The following MACROD2 variants were observed in gnomAD, a reference collection of about 807,000 sequenced individuals.
MACROD2 encodes mono-ADP ribosylhydrolase 2, also known as ADP-ribose glycohydrolase MACROD2.
A neutral mutation model predicts 70.4 loss-of-function variants in MACROD2; 36 were observed. The ratio of observed to expected loss-of-function variants is 0.51; its 90% confidence interval spans 0.39 to 0.68. The LOEUF (loss-of-function observed/expected upper bound fraction) is 0.68, where lower values mean the gene tolerates loss of function less well. Among genes scored for constraint, MACROD2 ranks in the 30% least tolerant of loss-of-function variants. The pLI is 0.00. For synonymous variants in MACROD2, 172 were observed against 178.8 expected (o/e 0.96, Z 0.30); for missense variants, 496 against 538.4 (o/e 0.92, Z 0.78).
chr20:15,172,500 C>A (rs527503962), intron 5 of MACROD2, among the ~76,000 whole-genome samples: 8 of 152,324 alleles, frequency 5.3e-5, no homozygotes, highest in Non-Finnish European at 5.9e-5. Flanking sequence ...TATCCTCCTG[C>A]CTCAGCCTCC....
At chr20:15,949,491 T>C (rs2065875876) in intron 12 of MACROD2, among the ~76,000 whole-genome samples, 1 of 152,138 alleles carries the variant, frequency 6.6e-6, no homozygotes, top group South Asian at 2.1e-4. Flanking sequence ...ATGAGCATTC[T>C]CCAGTACACC....
In MACROD2 at chr20:14,514,212, C is replaced by T. The variant is rs189849737; in HGVS notation, c.301+20704C>T. Among the ~76,000 whole-genome samples, 427 of 152,224 alleles carry T rather than the reference C, an allele frequency of 2.8e-3. 1 individual carries two copies. The highest frequency in any genetic ancestry group is 4.5e-3 in the Non-Finnish European group (309 of 67,986). On this transcript the variant is annotated intron_variant, in intron 4 of 17. Coordinates refer to ENST00000684519, the MANE Select transcript of MACROD2 (RefSeq NM_001351661.2). ...ATAACATGATATGAACATAGCAGGCCACTGATATGTGAGCATCCCATAAAT... is the reference window on the plus strand; with the variant it reads ...ATAACATGATATGAACATAGCAGGCTACTGATATGTGAGCATCCCATAAAT...
intron 3 of MACROD2, chr20:14,325,470 G>T: frequency 7.4e-7 from 1 of 1,344,078 alleles, no homozygotes; most frequent in Non-Finnish European, 1.0e-6. Flanking sequence ...TCTTTTTCCA[G>T]TGTTTTGCAG....
chr20:14,660,894 T>TA (rs1986193561), intron 4 of MACROD2, among the ~76,000 whole-genome samples: 1 of 152,160 alleles, frequency 6.6e-6, no homozygotes, highest in South Asian at 2.1e-4. Context: ...TTCTTTTTTT[T>TA]AATGGCTGTG....
At chr20:14,269,885 C>A (rs573527192) in intron 3 of MACROD2, among the ~76,000 whole-genome samples, 56 of 151,646 alleles carry the variant, frequency 3.7e-4, no homozygotes, top group African/African-American at 1.2e-3. Context: ...GTGTTAAAAC[C>A]CTCCTAATTG....
chr20:16,024,260 C>T (rs1175472869), intron 15 of MACROD2, among the ~76,000 whole-genome samples: 1 of 152,118 alleles, frequency 6.6e-6, no homozygotes, highest in African/African-American at 2.4e-5. Flanking sequence ...CCTAGTGTGA[C>T]TAACAAGGAA....
chr20:14,568,626 T>A (rs113949272), intron 4 of MACROD2, among the ~76,000 whole-genome samples: 17 of 152,174 alleles, frequency 1.1e-4, no homozygotes, highest in African/African-American at 4.1e-4. Flanking sequence ...GAAATCTTTA[T>A]AATTAGAAAA....
At chr20:14,284,094 G>A (rs977305981) in intron 3 of MACROD2, among the ~76,000 whole-genome samples, 1 of 152,172 alleles carries the variant, frequency 6.6e-6, no homozygotes, top group African/African-American at 2.4e-5. Flanking sequence ...TATTTCTGCT[G>A]TATAAAAAAT....
At chr20:15,696,652 C>T (rs1160040433) in intron 8 of MACROD2, among the ~76,000 whole-genome samples, 4 of 137,616 alleles carry the variant, frequency 2.9e-5, no homozygotes, top group Non-Finnish European at 6.2e-5. Flanking sequence ...TGGTAGAATT[C>T]TGCTGTGAAT....
chr20:15,286,195 T>C (rs1301218213), intron 6 of MACROD2, among the ~76,000 whole-genome samples: 2 of 152,114 alleles, frequency 1.3e-5, no homozygotes, highest in African/African-American at 2.4e-5. Flanking sequence ...GGAGATTATA[T>C]GAGTGTTGTG....
chr20:15,164,894 G>A (rs1032762329), intron 5 of MACROD2, among the ~76,000 whole-genome samples: 44 of 151,876 alleles, frequency 2.9e-4, no homozygotes, highest in African/African-American at 1.0e-3. Context: ...GAGCAAGACT[G>A]TCTCTAAAAA....
At chr20:14,918,673 G>A (rs1229145994) in intron 5 of MACROD2, among the ~76,000 whole-genome samples, 1 of 137,806 alleles carries the variant, frequency 7.3e-6, no homozygotes, top group Admixed American at 8.0e-5. Flanking sequence ...ACCAGCTCCT[G>A]CTAAACAATG....
chr20:14,241,124 A>G (rs1220835593), intron 3 of MACROD2, among the ~76,000 whole-genome samples: 3 of 152,246 alleles, frequency 2.0e-5, no homozygotes, highest in East Asian at 3.9e-4. Flanking sequence ...TCAAAAAAAA[A>G]AAGTTTTTAA....
intron 3 of MACROD2, among the ~76,000 whole-genome samples, chr20:14,146,288 C>T (rs2054941947): frequency 6.6e-6 from 1 of 152,008 alleles, no homozygotes; most frequent in African/African-American, 2.4e-5. Context: ...CACTGCACTC[C>T]AGCCTGGGCG....
chr20:14,698,656 A>G (rs2071154630), intron 5 of MACROD2, among the ~76,000 whole-genome samples: 1 of 151,580 alleles, frequency 6.6e-6, no homozygotes, highest in Non-Finnish European at 1.5e-5. Context: ...GAAAGTGAGG[A>G]CTGCATTCAC....
rs542612463 is a variant in MACROD2 at position 14,423,716 on chromosome 20, A to G, written c.272-69763A>G. Reference sequence around the variant, plus strand: ...CTCTGTCTCAAAAAAAAAAAAAAAAAAAGTTGCTTTCTAGTCCACCATTTT... The same window carrying G: ...CTCTGTCTCAAAAAAAAAAAAAAAAGAAGTTGCTTTCTAGTCCACCATTTT... On this transcript the variant is annotated intron_variant, in intron 3 of 17. Coordinates refer to ENST00000684519, the MANE Select transcript of MACROD2 (RefSeq NM_001351661.2). 1.7e-4 allele frequency among the ~76,000 whole-genome samples: 25 copies of G among 149,428 alleles called. No individual in the cohort carries two copies. In the South Asian group the frequency reaches 5.1e-3, roughly 30 times the overall value.
At chr20:14,253,727 A>G (rs1175101826) in intron 3 of MACROD2, among the ~76,000 whole-genome samples, 2 of 152,068 alleles carry the variant, frequency 1.3e-5, no homozygotes, top group South Asian at 2.1e-4. Context: ...TCTGGATTTG[A>G]AATTCTGTGT....
At chr20:15,544,718 C>G (rs1204346367) in intron 8 of MACROD2, among the ~76,000 whole-genome samples, 1 of 152,192 alleles carries the variant, frequency 6.6e-6, no homozygotes, top group Non-Finnish European at 1.5e-5. Flanking sequence ...CTATGTTTTA[C>G]TTAGTTGCTA....
intron 3 of MACROD2, among the ~76,000 whole-genome samples, chr20:14,304,772 GTTT>G (rs11475241): frequency 2.1e-5 from 3 of 143,692 alleles, no homozygotes; most frequent in Admixed American, 1.4e-4. Context: ...TCTTTTTTAT[GTTT>G]TTTTTTTTTT....
Sources: allele counts gnomAD v4.1 joint callset (sites outside exome capture counted in the v4.1 genomes callset), GRCh38; gene constraint gnomAD v4.1.1; transcripts MANE v1.5; gene names NCBI Gene and HGNC (gene_info 2026-07-23, HGNC 2026-07-21).